The following RIMBP2 variants were observed in gnomAD, a reference collection of about 807,000 sequenced individuals.
The protein encoded by RIMBP2 is RIMS-binding protein 2.
In RIMBP2, 48 loss-of-function variants were observed where a neutral mutation model predicts 118.6. That is an observed-to-expected ratio of 0.40 (90% confidence interval 0.32 to 0.51). The LOEUF is 0.51. Among genes scored for constraint, RIMBP2 ranks in the 20% least tolerant of loss-of-function variants. The probability of loss-of-function intolerance (pLI) is 0.41; values close to 1 mark genes in which losing one functional copy is unlikely to be tolerated. For missense variants in RIMBP2, 1,551 were observed against 1,768.3 expected, an observed-to-expected ratio of 0.88 and a Z score of 2.20; for synonymous variants, 762 against 742.9, an observed-to-expected ratio of 1.03 and a Z score of -0.42.
intron 1 of RIMBP2, among the ~76,000 whole-genome samples, chr12:130,665,537 C>T (rs1158879676): frequency 6.6e-6 from 1 of 151,470 alleles, no homozygotes; most frequent in Admixed American, 6.6e-5. Context: ...CAGGGCGAGA[C>T]CCTGCCTCAA....
rs1474373193 is a variant in RIMBP2, at chr12:130,710,634, G to A, written c.-352+5588C>T. Among the ~76,000 whole-genome samples, 6 of 152,148 alleles carry A rather than the reference G, an allele frequency of 3.9e-5. No individual in the cohort carries two copies. The highest frequency in any genetic ancestry group is 5.9e-5 in the Non-Finnish European group (4 of 68,036). On this transcript the variant is annotated intron_variant, in intron 1 of 22. Coordinates refer to ENST00000690449, the MANE Select transcript of RIMBP2 (RefSeq NM_001393629.1). The surrounding 1 kb of genome is among the most constrained non-coding windows in gnomAD (Gnocchi z 4.3). ...GTCCCACACAGATAGAGAAGTGGCA[G>A]GTGCTGCACCTCCCCCGCCCCAGGC...
In RIMBP2 at chr12:130,424,013, C is replaced by T; in HGVS notation, c.3129+129G>A. On this transcript the variant is annotated intron_variant, in intron 16 of 22. Transcript: ENST00000690449. This position sits in a 1 kb window ranked among gnomAD's most constrained non-coding sequence, Gnocchi z 9.8. ...AATCGGACTTGAGAAATCAAAAATG[C>T]AGGGAAAACGAAAGACAGCCAGCAA... 1 of 459,344 alleles carries T rather than the reference C, an allele frequency of 2.2e-6. No individual in the cohort carries two copies. Among genetic ancestry groups the T allele is most frequent in the Non-Finnish European group, 3.5e-6 (1 of 282,556 alleles). 28.5% of individuals were successfully genotyped at this position (459,344 alleles called of 1,614,324 possible).
intron 1 of RIMBP2, among the ~76,000 whole-genome samples, chr12:130,671,316 T>C (rs946105039): frequency 7.9e-5 from 12 of 152,368 alleles, no homozygotes; most frequent in African/African-American, 2.6e-4. Context: ...CATTCCTCAC[T>C]GCTCTGTTTC....
chr12:130,640,908 T>G (rs917314861), intron 1 of RIMBP2, among the ~76,000 whole-genome samples: 2 of 152,192 alleles, frequency 1.3e-5, no homozygotes, highest in African/African-American at 4.8e-5. Flanking sequence ...TAAGTGGGCC[T>G]TTGGAAACAT....
chr12:130,417,211 A>G (rs2076154687), intron 17 of RIMBP2, among the ~76,000 whole-genome samples: 1 of 152,240 alleles, frequency 6.6e-6, no homozygotes, highest in Non-Finnish European at 1.5e-5. Flanking sequence ...TAGAACTACC[A>G]TTTGACACAC....
chr12:130,427,889 G>A (rs2076899087), intron 15 of RIMBP2: 1 of 302,000 alleles, frequency 3.3e-6, no homozygotes, highest in Non-Finnish European at 6.0e-6. Context: ...GTTCTTCTTT[G>A]TTCTATTCCC....
chr12:130,680,000 A>T (rs1439776894), intron 1 of RIMBP2, among the ~76,000 whole-genome samples: 1 of 152,078 alleles, frequency 6.6e-6, no homozygotes, highest in African/African-American at 2.4e-5. Context: ...CCTGAGTGTG[A>T]TCATGCAGGC....
intron 7 of RIMBP2, among the ~76,000 whole-genome samples, chr12:130,455,381 C>T (rs934203955): frequency 1.1e-4 from 16 of 152,166 alleles, no homozygotes; most frequent in African/African-American, 2.6e-4. Context: ...TGCCCGCCAG[C>T]GGGAGCTCCG....
chr12:130,405,373 C>G (rs12308858), intron 21 of RIMBP2, among the ~76,000 whole-genome samples: 12,478 of 152,242 alleles, frequency 0.082, 716 homozygotes, highest in South Asian at 0.21. Context: ...GAAGAGAAAC[C>G]TACCGTCCAG....
intron 2 of RIMBP2, among the ~76,000 whole-genome samples, chr12:130,541,988 G>A (rs915925303): frequency 1.3e-5 from 2 of 152,212 alleles, no homozygotes; most frequent in African/African-American, 4.8e-5. Flanking sequence ...ATACTCAGGG[G>A]CTCTAAGTGG....
chr12:130,656,312 G>A (rs1456620240), intron 1 of RIMBP2, among the ~76,000 whole-genome samples: 9 of 152,144 alleles, frequency 5.9e-5, no homozygotes, highest in Non-Finnish European at 1.5e-5. Context: ...GATCTCCAGG[G>A]ACCCCTGGCA....
In RIMBP2 at chr12:130,441,842, G is replaced by C; in HGVS notation, c.1504+6C>G. On this transcript the variant is annotated splice_donor_region_variant and intron_variant, in intron 11 of 22. Coordinates refer to ENST00000690449, the MANE Select transcript of RIMBP2 (RefSeq NM_001393629.1). Reference sequence around the variant, plus strand: ...TGGGGGACCCACGGAAGGACACAGGGCTCACCTGCAGGCAACGTGGAGAAC... The same window carrying C: ...TGGGGGACCCACGGAAGGACACAGGCCTCACCTGCAGGCAACGTGGAGAAC... The C allele has an allele frequency of 6.2e-7, 1 of 1,612,320 alleles. No homozygotes were observed. Among genetic ancestry groups the C allele is most frequent in the Non-Finnish European group, 8.5e-7 (1 of 1,179,176 alleles).
Position 130,710,458 on chromosome 12 carries a change from A to G in RIMBP2, c.-352+5764T>C, listed in dbSNP as rs1296071076. On this transcript the variant is annotated intron_variant, in intron 1 of 22. Transcript: ENST00000690449. The surrounding 1 kb of genome is among the most constrained non-coding windows in gnomAD (Gnocchi z 4.3). ...CATACACGCAGGCGCACACACACAC[A>G]TACACACACACACGTACACACACAC... Among the ~76,000 whole-genome samples, 2 of 151,946 alleles carry G rather than the reference A, an allele frequency of 1.3e-5. No homozygotes were observed. Among genetic ancestry groups the G allele is most frequent in the Admixed American group, 6.5e-5 (1 of 15,272 alleles).
rs549652539 is a variant in RIMBP2, at chr12:130,581,493, A to C, written c.-217+46829T>G. 6.6e-6 allele frequency among the ~76,000 whole-genome samples: 1 copy of C among 152,196 alleles called. No individual in the cohort carries two copies. The highest frequency in any genetic ancestry group is 1.5e-5 in the Non-Finnish European group (1 of 68,040). ...TCCCAGTGGAGGTCTCAGAGGCATC[A>C]TAAGAGCATCCAGAATGAAGCCGAG... On this transcript the variant is annotated intron_variant, in intron 2 of 22. Transcript: ENST00000690449. This position sits in a 1 kb window ranked among gnomAD's most constrained non-coding sequence, Gnocchi z 4.4.
rs370061067 is a variant in RIMBP2, at chr12:130,428,344, G to A, written c.2254-7C>T. 9.3e-5 allele frequency: 149 copies of A among 1,600,376 alleles called. No individual in the cohort carries two copies. The highest frequency in any genetic ancestry group is 1.2e-4 in the Non-Finnish European group (144 of 1,173,030). On this transcript the variant is annotated splice_region_variant and splice_polypyrimidine_tract_variant and intron_variant, in intron 14 of 22. Transcript: ENST00000690449. ...CTCCATGGCAACAGTGCGGCTGGGG[G>A]CCAAGAAAAGGGGCTACTGAGCGGG...
intron 2 of RIMBP2, among the ~76,000 whole-genome samples, chr12:130,572,994 CG>C (rs2057802036): frequency 6.6e-6 from 1 of 152,106 alleles, no homozygotes; most frequent in Non-Finnish European, 1.5e-5. Flanking sequence ...CTGCGAGTGA[CG>C]AAGCCTTCTT....
Position 130,683,299 on chromosome 12 carries a change from G to T in RIMBP2, c.-352+32923C>A, listed in dbSNP as rs1202879084. 1.3e-5 allele frequency among the ~76,000 whole-genome samples: 2 copies of T among 152,208 alleles called. No individual in the cohort carries two copies. Among genetic ancestry groups the T allele is most frequent in the East Asian group, 1.9e-4 (1 of 5,192 alleles). On this transcript the variant is annotated intron_variant, in intron 1 of 22. Transcript: ENST00000690449. This position sits in a 1 kb window ranked among gnomAD's most constrained non-coding sequence, Gnocchi z 4.4. ...AGGATGCCAAGGACAGCCGGGGAAC[G>T]CAGGGAGCCAGGCTCCCCACAGAGC...
At chr12:130,556,035 G>A (rs962578214) in intron 2 of RIMBP2, among the ~76,000 whole-genome samples, 1 of 152,192 alleles carries the variant, frequency 6.6e-6, no homozygotes, top group South Asian at 2.1e-4. Flanking sequence ...CTCGTACTTC[G>A]GGGAGGAGGA....
chr12:130,662,663 A>G (rs955867031), intron 1 of RIMBP2, among the ~76,000 whole-genome samples: 2 of 151,972 alleles, frequency 1.3e-5, no homozygotes, highest in Non-Finnish European at 2.9e-5. Flanking sequence ...TCAAAAAAAA[A>G]AATCTGGATA....
Sources: gnomAD v4.1 joint callset for allele counts (sites outside exome capture counted in the v4.1 genomes callset) on GRCh38, gnomAD v4.1.1 for gene constraint, Gnocchi (gnomAD v3.1) non-coding constraint, MANE v1.5 for transcripts, NCBI Gene and HGNC (gene_info 2026-07-23, HGNC 2026-07-21) for gene names.